GLIS3: variants seen among roughly 807,000 people sequenced by gnomAD.
The protein encoded by GLIS3 is zinc finger protein GLIS3.
GLIS3 carries 53 observed loss-of-function variants against 78.6 expected under a neutral mutation model. The ratio of observed to expected loss-of-function variants is 0.67; its 90% CI spans 0.54 to 0.85. GLIS3 has a LOEUF of 0.85. Ranked by LOEUF, GLIS3 falls within the 40% of genes least tolerant of loss-of-function variation. GLIS3 has a pLI of 0.00. For synonymous variants in GLIS3, 684 were observed against 509.9 expected, an observed-to-expected ratio of 1.34 and a Z score of -4.60; for missense variants, 1,703 against 1,231.1, an observed-to-expected ratio of 1.38 and a Z score of -5.74.
chr9:4,482,401 T>G, the GLIS3 span, among the ~76,000 whole-genome samples: 1 of 152,186 alleles, frequency 6.6e-6, no homozygotes, highest in Non-Finnish European at 1.5e-5. Flanking sequence ...CCAAGATAAG[T>G]TCTATCTAGA....
At position 3,988,051 on chromosome 9, in the gene GLIS3, T is replaced by C. The variant is rs181801029; in HGVS notation, c.1711-50862A>G. Among the ~76,000 whole-genome samples, 34 of 152,216 alleles carry C rather than the reference T, an allele frequency of 2.2e-4. No homozygotes were observed. In the East Asian group the frequency reaches 3.9e-3, roughly 17 times the overall value. ...CTTGATGATTTGGTATATGTATACA[T>C]TGTGAAATATTCACCACAATCAAGC... On this transcript the variant is annotated intron_variant, in intron 4 of 10. Coordinates refer to ENST00000381971, the MANE Select transcript of GLIS3 (RefSeq NM_001042413.2).
intron 4 of GLIS3, among the ~76,000 whole-genome samples, chr9:4,037,632 A>C (rs772312761): frequency 6.6e-6 from 1 of 151,734 alleles, no homozygotes; most frequent in African/African-American, 2.4e-5. Flanking sequence ...GCATTATTTT[A>C]ATCTATGATC....
chr9:4,143,760 T>G (rs1257834950), intron 2 of GLIS3, among the ~76,000 whole-genome samples: 1 of 152,192 alleles, frequency 6.6e-6, no homozygotes, highest in Non-Finnish European at 1.5e-5. Flanking sequence ...CAACCACTAT[T>G]CTACCCTCTG....
At chr9:3,937,244 TG>T in intron 4 of GLIS3, 55 bp from the exon 5 acceptor site, 4 of 1,589,662 alleles carry the variant, frequency 2.5e-6, no homozygotes, top group African/African-American at 2.7e-5. Flanking sequence ...TGTTTGAGTC[TG>T]GGGGACAGCT....
intron 9 of GLIS3, among the ~76,000 whole-genome samples, chr9:3,843,217 T>G (rs531663986): frequency 1.3e-5 from 2 of 152,338 alleles, no homozygotes; most frequent in Admixed American, 1.3e-4. Flanking sequence ...ATTTTTTGCT[T>G]CTTCGAATCC....
At chr9:3,974,762 C>A (rs1425691837) in intron 4 of GLIS3, among the ~76,000 whole-genome samples, 3 of 152,060 alleles carry the variant, frequency 2.0e-5, no homozygotes, top group African/African-American at 7.2e-5. Flanking sequence ...TTTCACTGTG[C>A]CTGCAAAGCT....
chr9:4,279,684 G>T (rs1009405465), intron 2 of GLIS3, among the ~76,000 whole-genome samples: 1 of 86,194 alleles, frequency 1.2e-5, no homozygotes, highest in African/African-American at 4.7e-5. Context: ...TTAGATTAGA[G>T]CTTGTTTGGT....
intron 2 of GLIS3, among the ~76,000 whole-genome samples, chr9:4,337,772 A>C (rs929345843): frequency 4.6e-5 from 7 of 152,178 alleles, no homozygotes; most frequent in Non-Finnish European, 8.8e-5. Context: ...AGGTGGTAGC[A>C]ACCAGTTTTG....
intron 4 of GLIS3, among the ~76,000 whole-genome samples, chr9:3,953,129 C>G (rs960217830): frequency 2.5e-4 from 38 of 152,046 alleles, no homozygotes; most frequent in Admixed American, 2.2e-3. Flanking sequence ...AATTCTGCCT[C>G]TCACTAGAAA....
chr9:4,132,265 A>G (rs1833035077), intron 2 of GLIS3, among the ~76,000 whole-genome samples: 2 of 152,014 alleles, frequency 1.3e-5, no homozygotes, highest in African/African-American at 4.8e-5. Flanking sequence ...TGAGTACCAC[A>G]TACATTCTAG....
At chr9:3,877,465 T>G (rs1821393272) in intron 8 of GLIS3, among the ~76,000 whole-genome samples, 1 of 152,234 alleles carries the variant, frequency 6.6e-6, no homozygotes, top group Non-Finnish European at 1.5e-5. Flanking sequence ...TAATTGCCAA[T>G]CAGACATATC....
intron 2 of GLIS3, among the ~76,000 whole-genome samples, chr9:4,334,904 CTTTTT>C (rs56017714): frequency 6.5e-5 from 7 of 107,020 alleles, no homozygotes; most frequent in East Asian, 3.0e-4. Flanking sequence ...TCATTTCCAC[CTTTTT>C]TTTTTTTTTT....
chr9:4,196,366 GC>G (rs368152233), intron 2 of GLIS3, among the ~76,000 whole-genome samples: 17 of 152,342 alleles, frequency 1.1e-4, no homozygotes, highest in African/African-American at 4.1e-4. Flanking sequence ...ATAAAAGCAG[GC>G]TGCCCCAGCC....
At chr9:4,285,901 A>C in intron 2 of GLIS3, 137 bp downstream of exon 2, 1 of 1,045,542 alleles carries the variant, frequency 9.6e-7, no homozygotes, top group Non-Finnish European at 1.5e-6. Context: ...TGAGCAAGCT[A>C]TATATCATTA....
chr9:4,081,439 G>A (rs1828545980), intron 4 of GLIS3: 1 of 152,188 alleles, frequency 6.6e-6, no homozygotes, highest in African/African-American at 2.4e-5. Flanking sequence ...GGGATGTGAG[G>A]AGAGCCACTT....
In GLIS3 at chr9:4,012,772, T is replaced by TC. The variant is rs1453270355; in HGVS notation, c.1711-75584_1711-75583insG. Reference sequence around the variant, plus strand: ...TTTCTTTTTTTTCTTTTTCTTTTTTTTTTTTTTTTTTTTTTTTGAGACAGT... The same window carrying TC: ...TTTCTTTTTTTTCTTTTTCTTTTTTTCTTTTTTTTTTTTTTTTTGAGACAGT... On this transcript the variant is annotated intron_variant, in intron 4 of 10. Coordinates refer to ENST00000381971, the MANE Select transcript of GLIS3 (RefSeq NM_001042413.2). Among the ~76,000 whole-genome samples the TC allele has an allele frequency of 4.4e-4, 61 of 137,182 alleles. 1 individual carries two copies. Among genetic ancestry groups the TC allele is most frequent in the Non-Finnish European group, 8.7e-4 (56 of 64,312 alleles). The allele number at this position is 137,182 out of a possible 152,430, so 90.0% of individuals were successfully genotyped here. A position where few individuals can be genotyped will look rare whatever the true frequency, so the allele number is the denominator to read the frequency against.
chr9:4,276,292 T>A (rs1250282528), intron 2 of GLIS3, among the ~76,000 whole-genome samples: 1 of 109,774 alleles, frequency 9.1e-6, no homozygotes, highest in Non-Finnish European at 1.9e-5. Context: ...AAAATGAGAA[T>A]AGAGGAGAAG....
the GLIS3 span, among the ~76,000 whole-genome samples, chr9:4,408,867 A>G: frequency 8.4e-4 from 128 of 152,180 alleles, 1 homozygote; most frequent in Middle Eastern, 6.8e-3. Flanking sequence ...GTAACATGGG[A>G]TAAATGCTTG....
chr9:4,310,435 A>G (rs989789769), exon 3 of GLIS3: 2 of 152,192 alleles, frequency 1.3e-5, no homozygotes, highest in East Asian at 1.9e-4. Context: ...TGCCTCTCCA[A>G]TCTGCCCGAG....
Sources: gnomAD v4.1 joint callset for allele counts (sites outside exome capture counted in the v4.1 genomes callset) on GRCh38, gnomAD v4.1.1 for gene constraint, MANE v1.5 for transcripts, NCBI Gene and HGNC (gene_info 2026-07-23, HGNC 2026-07-21) for gene names.